Variants in ZBTB7C observed in about 807,000 individuals in gnomAD.
ZBTB7C encodes the protein zinc finger and BTB domain containing 7C, also known as zinc finger and BTB domain-containing protein 7C.
ZBTB7C carries 8 observed loss-of-function variants against 25.7 expected under a neutral mutation model. The ratio of observed to expected loss-of-function variants is 0.31; its 90% confidence interval spans 0.18 to 0.56. ZBTB7C has a LOEUF of 0.56. Among genes scored for constraint, ZBTB7C ranks in the 20% least tolerant of loss-of-function variants. The pLI is 0.91. For synonymous variants in ZBTB7C, 394 were observed against 369.0 expected (o/e 1.07, Z -0.78); for missense variants, 824 against 855.2 (o/e 0.96, Z 0.46).
intron 1 of ZBTB7C, among the ~76,000 whole-genome samples, chr18:48,390,152 C>T (rs1350949146): frequency 1.3e-5 from 2 of 152,056 alleles, no homozygotes; most frequent in African/African-American, 4.8e-5. Flanking sequence ...TATCTAACCA[C>T]AATAGTAATA....
intron 2 of ZBTB7C, among the ~76,000 whole-genome samples, chr18:48,218,549 G>C (rs904789609): frequency 6.6e-6 from 1 of 152,176 alleles, no homozygotes; most frequent in African/African-American, 2.4e-5. Flanking sequence ...ACAGGGCCCT[G>C]CCTGGTAAGA....
intron 1 of ZBTB7C, among the ~76,000 whole-genome samples, chr18:48,345,474 G>A (rs2046706176): frequency 6.6e-6 from 1 of 152,076 alleles, no homozygotes; most frequent in African/African-American, 2.4e-5. Flanking sequence ...ATGTTCACCC[G>A]ACTCCCAAAT....
At chr18:48,055,183 G>A (rs1179379506) in intron 3 of ZBTB7C, among the ~76,000 whole-genome samples, 1 of 151,840 alleles carries the variant, frequency 6.6e-6, no homozygotes, top group Admixed American at 6.6e-5. Context: ...GCTGAGGCGG[G>A]AGGATCATTT....
intron 3 of ZBTB7C, among the ~76,000 whole-genome samples, chr18:48,064,400 G>A (rs1454964141): frequency 6.6e-6 from 1 of 152,198 alleles, no homozygotes; most frequent in East Asian, 1.9e-4. Flanking sequence ...CAGGGTACCT[G>A]TCCCATGGAC....
intron 2 of ZBTB7C, among the ~76,000 whole-genome samples, chr18:48,319,112 CTGTGTGTGTGTG>C (rs143825394): frequency 4.8e-5 from 7 of 147,366 alleles, no homozygotes; most frequent in South Asian, 4.5e-4. Context: ...CAGAATGCCT[CTGTGTGTGTGTG>C]TGTGTGTGTG....
intron 2 of ZBTB7C, among the ~76,000 whole-genome samples, chr18:48,192,722 A>G (rs914487844): frequency 6.6e-6 from 1 of 152,364 alleles, no homozygotes; most frequent in Admixed American, 6.5e-5. Flanking sequence ...TTGGCATCCC[A>G]AAGTGCCGGG....
intron 2 of ZBTB7C, among the ~76,000 whole-genome samples, chr18:48,319,570 TAAGTGAAA>T (rs2046040387): frequency 6.6e-6 from 1 of 152,160 alleles, no homozygotes; most frequent in Admixed American, 6.5e-5. Context: ...AATACATTAT[TAAGTGAAA>T]AAGGCTGCAG....
At chr18:48,136,272 C>T (rs374391993) in intron 3 of ZBTB7C, among the ~76,000 whole-genome samples, 1 of 152,204 alleles carries the variant, frequency 6.6e-6, no homozygotes, top group Non-Finnish European at 1.5e-5. Context: ...GGGCCGTCTC[C>T]GGAGCTGAGA....
chr18:48,207,614 T>TATCTATCTATCC (rs1024455344), intron 2 of ZBTB7C, among the ~76,000 whole-genome samples: 1 of 146,878 alleles, frequency 6.8e-6, no homozygotes, highest in South Asian at 2.2e-4. Flanking sequence ...TCTATCTATC[T>TATCTATCTATCC]ATCCATCTAA....
At chr18:48,081,285 C>T (rs916526666) in intron 3 of ZBTB7C, among the ~76,000 whole-genome samples, 2 of 151,976 alleles carry the variant, frequency 1.3e-5, no homozygotes, top group Non-Finnish European at 2.9e-5. Context: ...CATGGGGCAT[C>T]GAGTCTGCAC....
At chr18:48,383,249 T>G (rs2047672717) in intron 1 of ZBTB7C, among the ~76,000 whole-genome samples, 1 of 152,110 alleles carries the variant, frequency 6.6e-6, no homozygotes, top group Admixed American at 6.6e-5. Flanking sequence ...CTAATTCAAT[T>G]ACAATCTTTT....
intron 1 of ZBTB7C, among the ~76,000 whole-genome samples, chr18:48,346,383 T>C (rs1019359164): frequency 7.9e-5 from 12 of 152,256 alleles, no homozygotes; most frequent in Admixed American, 2.6e-4. Context: ...CCATGAGTCA[T>C]GCCCTGGTTG....
At chr18:48,177,220 G>A (rs2041710632) in intron 3 of ZBTB7C, among the ~76,000 whole-genome samples, 1 of 152,170 alleles carries the variant, frequency 6.6e-6, no homozygotes. Flanking sequence ...CCAGCAAAGT[G>A]GTCCCCTCGC....
intron 2 of ZBTB7C, among the ~76,000 whole-genome samples, chr18:48,191,642 C>T (rs2042199268): frequency 6.6e-6 from 1 of 152,156 alleles, no homozygotes; most frequent in Non-Finnish European, 1.5e-5. Flanking sequence ...GAAAGTACTT[C>T]TGGGGCTAGT....
chr18:48,323,799 T>C (rs1280708934), intron 2 of ZBTB7C, among the ~76,000 whole-genome samples: 3 of 151,954 alleles, frequency 2.0e-5, no homozygotes, highest in Admixed American at 6.6e-5. Flanking sequence ...GAGGCAGATA[T>C]TAAACATCTA....
chr18:48,110,200 T>G (rs2039186947), intron 3 of ZBTB7C, among the ~76,000 whole-genome samples: 1 of 152,198 alleles, frequency 6.6e-6, no homozygotes, highest in South Asian at 2.1e-4. Context: ...TTTGTGTATT[T>G]TCTAGTCTTT....
chr18:48,323,042 CAG>C (rs2046134887), intron 2 of ZBTB7C, among the ~76,000 whole-genome samples: 2 of 152,040 alleles, frequency 1.3e-5, no homozygotes, highest in Non-Finnish European at 2.9e-5. Context: ...GTTGGGGACT[CAG>C]GGGAAAGGGT....
chr18:48,262,691 A>G (rs909491317), intron 2 of ZBTB7C, among the ~76,000 whole-genome samples: 1 of 152,138 alleles, frequency 6.6e-6, no homozygotes, highest in Non-Finnish European at 1.5e-5. Flanking sequence ...GAACACATTA[A>G]CACACAACCA....
chr18:48,048,963 A>G (rs913095977), intron 3 of ZBTB7C, among the ~76,000 whole-genome samples: 3 of 152,182 alleles, frequency 2.0e-5, no homozygotes, highest in Non-Finnish European at 4.4e-5. Flanking sequence ...CCCAGGCCAC[A>G]TGGCAAATCA....
Sources: gnomAD v4.1 joint callset for allele counts (sites outside exome capture counted in the v4.1 genomes callset) on GRCh38, gnomAD v4.1.1 for gene constraint, MANE v1.5 for transcripts, NCBI Gene and HGNC (gene_info 2026-07-23, HGNC 2026-07-21) for gene names.